The following SECISBP2L variants were observed in gnomAD, a reference collection of about 807,000 sequenced individuals.
SECISBP2L encodes the protein selenocysteine insertion sequence-binding protein 2-like.
A neutral mutation model predicts 114.7 loss-of-function variants in SECISBP2L; 43 were observed. The observed-to-expected ratio is 0.38, with a 90% CI of 0.29 to 0.48. The LOEUF (loss-of-function observed/expected upper bound fraction) is 0.48. Ranked by LOEUF, SECISBP2L falls within the 20% of genes least tolerant of loss-of-function variation. The probability of loss-of-function intolerance (pLI) is 0.98; values close to 1 mark genes in which losing one functional copy is unlikely to be tolerated. For synonymous variants in SECISBP2L, 451 were observed against 439.7 expected, an observed-to-expected ratio of 1.03 and a Z score of -0.32; for missense variants, 1,136 against 1,301.1, an observed-to-expected ratio of 0.87 and a Z score of 1.95.
At chr15:49,035,746 G>C in intron 2 of SECISBP2L, 88 bp from the exon 3 acceptor site, 5 of 1,174,624 alleles carry the variant, frequency 4.3e-6, no homozygotes, top group Non-Finnish European at 6.0e-6. Flanking sequence ...ACTAATAAAA[G>C]ACAAAACAGA....
chr15:48,996,331 G>A, intron 17 of SECISBP2L, 36 bp downstream of exon 17: 1 of 1,533,026 alleles, frequency 6.5e-7, no homozygotes, highest in Non-Finnish European at 9.0e-7. Context: ...ATCATCTCAT[G>A]GTTTAAGTCA....
chr15:48,988,661 T>C lies in SECISBP2L; in HGVS notation c.*3583A>G, dbSNP rs1901908442. The C allele has an allele frequency of 2.2e-6, 1 of 456,082 alleles. No individual in the cohort carries two copies. Among genetic ancestry groups the C allele is most frequent in the Admixed American group, 2.4e-5 (1 of 42,522 alleles). 28.3% of individuals were successfully genotyped at this position (456,082 alleles called of 1,614,324 possible). On this transcript the variant is annotated 3_prime_UTR_variant, in exon 18 of 18. Transcript: ENST00000559471. Reference sequence around the variant, plus strand: ...GATTTCATTTCAATAATCATTTTATTAGTACAGAAGAATCCCCACTAGTAT... The same window carrying C: ...GATTTCATTTCAATAATCATTTTATCAGTACAGAAGAATCCCCACTAGTAT...
intron 14 of SECISBP2L, among the ~76,000 whole-genome samples, chr15:49,005,515 T>C (rs959186280): frequency 1.3e-5 from 2 of 151,712 alleles, no homozygotes; most frequent in African/African-American, 4.8e-5. Context: ...TTGATCTTTG[T>C]TGGTTTAAAG....
rs1001262272 is a variant in SECISBP2L at position 49,011,749 on chromosome 15, C to T, written c.1846G>A (p.Glu616Lys). ...TCCTTACCTTCCTGGGAAACAATCT[C>T]CTGTGGCAAGTCATCAATAAAATCT... ...HLDFIDDLPQ[E>K]IVSQEDTGLS... is the part of the protein sequence containing the mutation. Residue 616 changes from glutamate to lysine, a missense_variant, in exon 13 of 18, where the codon GAG (glutamate) becomes AAG (lysine). Physicochemically the swap from Glu to Lys is moderately conservative, Grantham distance 56 (BLOSUM62 1). Coordinates refer to ENST00000559471, the MANE Select transcript of SECISBP2L (RefSeq NM_001193489.2). 1 of 1,613,892 alleles carries T rather than the reference C, an allele frequency of 6.2e-7. No homozygotes were observed. The highest frequency in any genetic ancestry group is 1.3e-5 in the African/African-American group (1 of 74,920).
rs1465512620 is a variant in SECISBP2L at position 49,037,607 on chromosome 15, C to T, written c.187G>A (p.Glu63Lys). 6.2e-7 allele frequency: 1 copy of T among 1,613,380 alleles called. No homozygotes were observed. Among genetic ancestry groups the T allele is most frequent in the Non-Finnish European group, 8.5e-7 (1 of 1,179,780 alleles). ...YLITCYPFVQ[E>K]NQSNRQFPLY... The stretch of plus-strand genomic sequence containing the variant: ...ACAAATTACCTATTGGACTGGTTTT[C>T]CTGCACAAATGGGTAACAAGTAATC... The change falls in exon 2 of 18, where the codon GAA becomes AAA. Residue 63 changes from glutamate to lysine, a missense_variant. Coordinates refer to ENST00000559471, the MANE Select transcript of SECISBP2L (RefSeq NM_001193489.2).
intron 7 of SECISBP2L, 91 bp downstream of exon 7, chr15:49,027,274 C>T: frequency 1.2e-6 from 1 of 803,674 alleles, no homozygotes; most frequent in Non-Finnish European, 2.0e-6. Context: ...CAAATCACTC[C>T]ATGTGCATAT....
At chr15:49,028,836 T>C (rs1215973706) in intron 4 of SECISBP2L, among the ~76,000 whole-genome samples, 154 bp from the exon 5 acceptor site, 2 of 152,174 alleles carry the variant, frequency 1.3e-5, no homozygotes, top group African/African-American at 2.4e-5. Flanking sequence ...AAAGGTAAGA[T>C]GTTCCTGGTA....
intron 8 of SECISBP2L, among the ~76,000 whole-genome samples, chr15:49,018,232 C>T (rs1033205585): frequency 5.3e-5 from 8 of 151,142 alleles, no homozygotes; most frequent in African/African-American, 1.7e-4. Context: ...GGCTCAATTA[C>T]TAAACTTATC....
intron 14 of SECISBP2L, among the ~76,000 whole-genome samples, chr15:49,008,512 A>G (rs1284940206): frequency 6.6e-6 from 1 of 152,160 alleles, no homozygotes; most frequent in African/African-American, 2.4e-5. Flanking sequence ...GTGATTTGAC[A>G]TTTAATTAAC....
chr15:49,001,878 T>G (rs1446570090), intron 14 of SECISBP2L: 1 of 152,238 alleles, frequency 6.6e-6, no homozygotes, highest in Non-Finnish European at 1.5e-5. Flanking sequence ...AGCATTTGGG[T>G]TGGTTCCAAG....
chr15:49,040,767 T>A (rs931662678), intron 1 of SECISBP2L, among the ~76,000 whole-genome samples: 1 of 151,630 alleles, frequency 6.6e-6, no homozygotes, highest in East Asian at 1.9e-4. Flanking sequence ...CTCGATCTCC[T>A]GACCTCGTGA....
chr15:49,016,441 TAC>T lies in SECISBP2L; in HGVS notation c.1561+117_1561+118del, dbSNP rs71952937. 6,088 of 795,054 alleles carry T rather than the reference TAC, an allele frequency of 7.7e-3. 140 individuals carry two copies. The highest frequency in any genetic ancestry group is 0.068 in the African/African-American group (3,818 of 55,926). The allele number at this position is 795,054 out of a possible 1,614,324, so 49.2% of individuals were successfully genotyped here. ...ACACACAAACACACATACATATATATACACACACACACACATATATATACACA... is the reference window on the plus strand; with the variant it reads ...ACACACAAACACACATACATATATATACACACACACACATATATATACACA... On this transcript the variant is annotated intron_variant, in intron 11 of 17. Coordinates refer to ENST00000559471, the MANE Select transcript of SECISBP2L (RefSeq NM_001193489.2).
In SECISBP2L at chr15:48,992,373, C is replaced by T. The variant is rs1355627387; in HGVS notation, c.3177G>A (p.Leu1059=). Residue 1059 remains leucine (L), a synonymous_variant, in exon 18 of 18, where the codon CTG becomes CTA. Transcript: ENST00000559471. ...GEEEAEAPEV[L]EPGMDSEAWT... Reference sequence around the variant, plus strand: ...ATGCCTCACTGTCCATCCCTGGCTCCAGCACCTCAGGCGCCTCTGCTTCCT... The same window carrying T: ...ATGCCTCACTGTCCATCCCTGGCTCTAGCACCTCAGGCGCCTCTGCTTCCT... 3 of 1,614,064 alleles carry T rather than the reference C, an allele frequency of 1.9e-6. No homozygotes were observed. The highest frequency in any genetic ancestry group is 3.3e-5 in the Admixed American group (2 of 60,000).
chr15:49,045,184 TA>T (rs946335640), intron 1 of SECISBP2L, among the ~76,000 whole-genome samples: 2 of 150,416 alleles, frequency 1.3e-5, no homozygotes, highest in East Asian at 1.9e-4. Context: ...AGCTTTTTTT[TA>T]AAAAAAAAAG....
chr15:48,993,686 A>ATAT (rs1902034904), intron 17 of SECISBP2L, among the ~76,000 whole-genome samples: 2 of 148,726 alleles, frequency 1.3e-5, no homozygotes, highest in African/African-American at 4.9e-5. Flanking sequence ...GTTGTTTTAT[A>ATAT]ATATATATAT....
chr15:49,010,633 C>T (rs1902418954), intron 13 of SECISBP2L, among the ~76,000 whole-genome samples: 1 of 152,048 alleles, frequency 6.6e-6, no homozygotes, highest in Non-Finnish European at 1.5e-5. Context: ...ACTTCAGTCC[C>T]CCAAGTAGCT....
At chr15:49,046,081 G>A (rs999677805) in intron 1 of SECISBP2L, among the ~76,000 whole-genome samples, 195 bp downstream of exon 1, 2 of 152,192 alleles carry the variant, frequency 1.3e-5, no homozygotes, top group Non-Finnish European at 2.9e-5. Context: ...AAGTAATCAG[G>A]GTTGGAAAAG....
intron 4 of SECISBP2L, 68 bp downstream of exon 4, chr15:49,032,897 C>T: frequency 6.4e-7 from 1 of 1,571,516 alleles, no homozygotes; most frequent in Non-Finnish European, 8.6e-7. Context: ...GTTCAGACCA[C>T]AATTATAAAG....
At chr15:49,002,744 T>C (rs886424100) in intron 14 of SECISBP2L, among the ~76,000 whole-genome samples, 3 of 152,216 alleles carry the variant, frequency 2.0e-5, no homozygotes, top group African/African-American at 7.2e-5. Context: ...GTCAGATTTG[T>C]CAAAGATCAG....
Sources: gnomAD v4.1 joint callset for allele counts (sites outside exome capture counted in the v4.1 genomes callset) on GRCh38, gnomAD v4.1.1 for gene constraint, MANE v1.5 for transcripts, NCBI Gene and HGNC (gene_info 2026-07-23, HGNC 2026-07-21) for gene names.